Variants in ZNF215 observed in about 807,000 individuals in gnomAD.
ZNF215 encodes the protein zinc finger protein 215, also known as BWSCR2-associated zinc finger protein 2.
A neutral mutation model predicts 27.2 loss-of-function variants in ZNF215; 24 were observed. That is an observed-to-expected ratio of 0.88 (90% CI 0.64 to 1.24). ZNF215 has a LOEUF of 1.24. ZNF215 is among the 50% of genes most tolerant of loss of function. The pLI is 0.00. For synonymous variants in ZNF215, 210 were observed against 204.0 expected, an observed-to-expected ratio of 1.03 and a Z score of -0.25; for missense variants, 675 against 605.7, an observed-to-expected ratio of 1.11 and a Z score of -1.20.
intron 5 of ZNF215, among the ~76,000 whole-genome samples, chr11:6,965,214 C>T (rs1442704804): frequency 1.3e-5 from 2 of 152,080 alleles, no homozygotes; most frequent in Non-Finnish European, 2.9e-5. Context: ...CACGGTAGTA[C>T]ATGTTATACA....
chr11:6,958,784 T>G (rs1850456374), downstream of ZNF215, among the ~76,000 whole-genome samples: 1 of 152,200 alleles, frequency 6.6e-6, no homozygotes, highest in African/African-American at 2.4e-5. Flanking sequence ...GCCTTCAGTC[T>G]GTGGTTGAAG....
chr11:6,955,617 T>C, intron 6 of ZNF215, 73 bp from the exon 7 acceptor site: 2 of 1,501,308 alleles, frequency 1.3e-6, no homozygotes, highest in Non-Finnish European at 1.8e-6. Context: ...GCATATACCT[T>C]ATACAGTTCA....
In ZNF215 at chr11:6,932,252, G is replaced by A; in HGVS notation, c.-21G>A. 1.2e-6 allele frequency: 2 copies of A among 1,607,418 alleles called. No individual in the cohort carries two copies. The highest frequency in any genetic ancestry group is 2.2e-5 in the East Asian group (1 of 44,848). On this transcript the variant is annotated 5_prime_UTR_variant, in exon 3 of 7. The change creates a new upstream start codon in the 5' untranslated region. Transcript: ENST00000278319. Reference sequence around the variant, plus strand: ...TCTAGTAAGGCGGATTTGAACTACTGTGGGAGTTCTATTTAGGAAGATGCA... The same window carrying A: ...TCTAGTAAGGCGGATTTGAACTACTATGGGAGTTCTATTTAGGAAGATGCA...
chr11:6,951,177 T>C (rs1850041101), intron 6 of ZNF215, among the ~76,000 whole-genome samples: 1 of 152,208 alleles, frequency 6.6e-6, no homozygotes, highest in Non-Finnish European at 1.5e-5. Context: ...TCATCAAGGA[T>C]ATTGGTCTAA....
downstream of ZNF215, among the ~76,000 whole-genome samples, chr11:6,990,970 G>A (rs1851109794): frequency 6.6e-6 from 1 of 152,240 alleles, no homozygotes; most frequent in Non-Finnish European, 1.5e-5. Context: ...CCAGTGACTG[G>A]AGAAGGCATT....
At chr11:6,943,688 C>G in intron 6 of ZNF215, 47 bp downstream of exon 6, 1 of 1,424,008 alleles carries the variant, frequency 7.0e-7, no homozygotes, top group Non-Finnish European at 9.9e-7. Flanking sequence ...CTTCTGTTTC[C>G]TAAACATACA....
chr11:6,947,942 G>T (rs886850808), intron 6 of ZNF215, among the ~76,000 whole-genome samples: 3 of 152,212 alleles, frequency 2.0e-5, no homozygotes, highest in African/African-American at 4.8e-5. Flanking sequence ...TCTCTTTGAG[G>T]CTTGGGCTTC....
intron 6 of ZNF215, among the ~76,000 whole-genome samples, chr11:6,947,267 G>T (rs1226567511): frequency 1.3e-5 from 2 of 152,148 alleles, no homozygotes; most frequent in Admixed American, 1.3e-4. Flanking sequence ...AATGGATTGT[G>T]GTGGATTAAA....
chr11:6,971,771 T>C (rs537935059), intron 5 of ZNF215, among the ~76,000 whole-genome samples: 13 of 152,120 alleles, frequency 8.5e-5, no homozygotes, highest in African/African-American at 3.1e-4. Flanking sequence ...TTAGTTAAAA[T>C]TTATCATCGA....
intron 6 of ZNF215, among the ~76,000 whole-genome samples, chr11:6,953,247 C>T (rs529228460): frequency 6.6e-6 from 1 of 152,242 alleles, no homozygotes; most frequent in East Asian, 1.9e-4. Flanking sequence ...ATGTTTGTGG[C>T]ATTCTCTGTA....
chr11:6,938,042 C>T (rs1849499348), intron 3 of ZNF215, among the ~76,000 whole-genome samples: 1 of 151,838 alleles, frequency 6.6e-6, no homozygotes, highest in Admixed American at 6.6e-5. Flanking sequence ...AAGATACCAT[C>T]AAGGCAGCGA....
intron 5 of ZNF215, among the ~76,000 whole-genome samples, chr11:6,976,268 GT>G (rs1564975965): frequency 6.6e-6 from 1 of 151,970 alleles, no homozygotes; most frequent in African/African-American, 2.4e-5. Context: ...ACAAATCTCA[GT>G]AAAAGTGGCC....
intron 3 of ZNF215, among the ~76,000 whole-genome samples, 187 bp downstream of exon 3, chr11:6,932,859 G>T (rs1849313407): frequency 6.6e-6 from 1 of 152,184 alleles, no homozygotes; most frequent in Non-Finnish European, 1.5e-5. Flanking sequence ...GATTGGGTAG[G>T]GGAGTGAGAC....
intron 5 of ZNF215, among the ~76,000 whole-genome samples, chr11:6,965,902 G>A (rs1271870234): frequency 1.3e-5 from 2 of 151,982 alleles, no homozygotes; most frequent in African/African-American, 2.4e-5. Flanking sequence ...GGTCTAGTTT[G>A]GATTAGACTA....
intron 4 of ZNF215, 90 bp from the exon 5 acceptor site, chr11:6,942,993 G>C (rs1247146725): frequency 6.6e-7 from 1 of 1,514,772 alleles, no homozygotes; most frequent in African/African-American, 1.4e-5. Context: ...GGTGTATTCT[G>C]GCTCCTACCC....
At position 6,973,667 on chromosome 11, in the gene ZNF215, C is replaced by A. The variant is rs1229883873; in HGVS notation, c.806-10462C>A. 2.6e-3 allele frequency among the ~76,000 whole-genome samples: 401 copies of A among 152,020 alleles called. 2 individuals carry two copies. Among genetic ancestry groups the A allele is most frequent in the Non-Finnish European group, 4.5e-3 (304 of 67,948 alleles). ...GGCCAGTGATGATGAGCATTTTTTC[C>A]TGTGTCTGTTGGCTGCATAAATGTC... is the stretch of plus-strand genomic sequence containing the variant. On this transcript the variant is annotated intron_variant, in intron 5 of 5. Coordinates refer to the ZNF215 transcript ENST00000529903.
chr11:6,986,065 C>T (rs1018641627), downstream of ZNF215, among the ~76,000 whole-genome samples: 4 of 151,930 alleles, frequency 2.6e-5, no homozygotes, highest in African/African-American at 9.7e-5. Context: ...CTCGAATATC[C>T]AAAGCAATCC....
At chr11:6,963,124 G>C (rs915630448) in intron 5 of ZNF215, among the ~76,000 whole-genome samples, 3 of 151,982 alleles carry the variant, frequency 2.0e-5, no homozygotes, top group Admixed American at 1.3e-4. Context: ...GAATTCAATT[G>C]AATTAATCAC....
chr11:6,992,652 A>G (rs1217312981), downstream of ZNF215, among the ~76,000 whole-genome samples: 7 of 152,242 alleles, frequency 4.6e-5, no homozygotes, highest in Admixed American at 1.3e-4. Flanking sequence ...CAAGGGGCCC[A>G]TAGAATCAAC....
Sources: gnomAD v4.1 joint callset for allele counts (sites outside exome capture counted in the v4.1 genomes callset) on GRCh38, gnomAD v4.1.1 for gene constraint, MANE v1.5 for transcripts, NCBI Gene and HGNC (gene_info 2026-07-23, HGNC 2026-07-21) for gene names.